Variants in JMJD1C observed in about 807,000 individuals in gnomAD.
The protein encoded by JMJD1C is jumonji domain containing 1C.
Under a neutral mutation model 245.3 loss-of-function variants are expected in JMJD1C, and 31 were observed. The observed-to-expected ratio is 0.13, with a 90% confidence interval of 0.09 to 0.17. The LOEUF (loss-of-function observed/expected upper bound fraction) is 0.17, where lower values mean the gene tolerates loss of function less well. Ranked by LOEUF, JMJD1C falls within the 10% of genes least tolerant of loss-of-function variation. JMJD1C has a pLI of 1.00. For synonymous variants in JMJD1C, 1,057 were observed against 1,017.4 expected, an observed-to-expected ratio of 1.04 and a Z score of -0.74; for missense variants, 2,691 against 3,000.2, an observed-to-expected ratio of 0.90 and a Z score of 2.41.
rs182502525 is a variant in JMJD1C at position 63,347,638 on chromosome 10, C to T, written c.333+32680G>A. On this transcript the variant is annotated intron_variant, in intron 2 of 25. Coordinates refer to ENST00000399262, the MANE Select transcript of JMJD1C (RefSeq NM_032776.3). ...AGAAAAAAAGAAATTACAGGGCAGG[C>T]GTAGTGGCTCATGCCTGTAATCCCA... Among the ~76,000 whole-genome samples the T allele has an allele frequency of 1.5e-4, 22 of 145,652 alleles. No homozygotes were observed. The East Asian group carries it at 4.6e-3, about 31-fold the overall frequency.
At chr10:63,219,432 G>A (rs759014480) in intron 4 of JMJD1C, among the ~76,000 whole-genome samples, 1 of 152,098 alleles carries the variant, frequency 6.6e-6, no homozygotes, top group African/African-American at 2.4e-5. Flanking sequence ...AAGGTCACAC[G>A]TTGTAACATA....
intron 2 of JMJD1C, among the ~76,000 whole-genome samples, chr10:63,298,189 TCGC>T (rs1394292356): frequency 6.6e-6 from 1 of 152,160 alleles, no homozygotes; most frequent in Non-Finnish European, 1.5e-5. Flanking sequence ...TGCTCCTGGC[TCGC>T]CCTTGATAGG....
chr10:63,269,556 T>C (rs1320165732), intron 2 of JMJD1C, among the ~76,000 whole-genome samples: 1 of 152,238 alleles, frequency 6.6e-6, no homozygotes, highest in East Asian at 1.9e-4. Flanking sequence ...GCATCAAATA[T>C]ACTTTGTATG....
At chr10:63,186,486 T>G in intron 18 of JMJD1C, 103 bp from the exon 19 acceptor site, 1 of 864,438 alleles carries the variant, frequency 1.2e-6, no homozygotes, top group East Asian at 2.8e-5. Flanking sequence ...TTACCCAGGC[T>G]GGAGAGCAGT....
chr10:63,269,577 C>T (rs192778318), intron 2 of JMJD1C, among the ~76,000 whole-genome samples: 1 of 151,806 alleles, frequency 6.6e-6, no homozygotes, highest in Non-Finnish European at 1.5e-5. Flanking sequence ...TTTTTGGGCA[C>T]GATTTATTTA....
At chr10:63,360,879 G>C (rs546043269) in intron 2 of JMJD1C, among the ~76,000 whole-genome samples, 1 of 151,954 alleles carries the variant, frequency 6.6e-6, no homozygotes, top group East Asian at 1.9e-4. Flanking sequence ...CTGCCTCCTG[G>C]GATCAAGCGA....
At chr10:63,420,202 C>A (rs952826724) in intron 1 of JMJD1C, among the ~76,000 whole-genome samples, 4 of 151,262 alleles carry the variant, frequency 2.6e-5, no homozygotes, top group African/African-American at 9.7e-5. Context: ...AAGGGCCCAG[C>A]ACACAATCAC....
chr10:63,375,801 C>T (rs1281998246), intron 2 of JMJD1C, among the ~76,000 whole-genome samples: 1 of 151,964 alleles, frequency 6.6e-6, no homozygotes, highest in African/African-American at 2.4e-5. Context: ...GCAATCCTCT[C>T]GCCTTAGCCT....
chr10:63,200,760 A>T, intron 10 of JMJD1C, 83 bp from the exon 11 acceptor site: 6 of 1,212,298 alleles, frequency 4.9e-6, no homozygotes, highest in Non-Finnish European at 7.2e-6. Flanking sequence ...AGTCAGTTAT[A>T]CAATTGTGAT....
chr10:63,453,638 C>A (rs1267012354), intron 1 of JMJD1C, among the ~76,000 whole-genome samples: 1 of 152,096 alleles, frequency 6.6e-6, no homozygotes, highest in African/African-American at 2.4e-5. Context: ...TGATCCTTTG[C>A]GTCTGTCAAG....
intron 24 of JMJD1C, among the ~76,000 whole-genome samples, chr10:63,169,567 GA>G (rs1842161282): frequency 1.3e-5 from 2 of 152,110 alleles, no homozygotes; most frequent in South Asian, 4.1e-4. Flanking sequence ...ATGATAGGGT[GA>G]TGGAATTCCA....
intron 19 of JMJD1C, among the ~76,000 whole-genome samples, chr10:63,185,966 CA>C (rs1262242263): frequency 1.3e-5 from 2 of 152,166 alleles, no homozygotes; most frequent in East Asian, 3.8e-4. Flanking sequence ...ATTCCATTTT[CA>C]AAAGCTTATG....
intron 3 of JMJD1C, among the ~76,000 whole-genome samples, chr10:63,226,741 A>G (rs1270394375): frequency 2.1e-5 from 3 of 139,966 alleles, no homozygotes; most frequent in African/African-American, 5.3e-5. Context: ...AAAAAGAGAG[A>G]GAGAAGGACA....
At chr10:63,415,933 TGCTGAACTCCCACAACTACACA>T (rs1245162742) in intron 1 of JMJD1C, among the ~76,000 whole-genome samples, 2 of 152,162 alleles carry the variant, frequency 1.3e-5, no homozygotes, top group East Asian at 1.9e-4. Context: ...ACAGTGTTTT[TGCTGAACTCCCACAACTACACA>T]GCTGAACCCC....
intron 1 of JMJD1C, among the ~76,000 whole-genome samples, chr10:63,478,923 T>C (rs1482275948): frequency 6.6e-6 from 1 of 152,134 alleles, no homozygotes; most frequent in Non-Finnish European, 1.5e-5. Flanking sequence ...CTATGGATCC[T>C]GCCACTGCAC....
intron 3 of JMJD1C, among the ~76,000 whole-genome samples, chr10:63,221,822 A>G (rs866307489): frequency 2.0e-5 from 3 of 152,202 alleles, no homozygotes; most frequent in African/African-American, 7.2e-5. Context: ...CCCAGGTTCA[A>G]GCAATTCTCC....
chr10:63,223,146 C>G lies in JMJD1C; in HGVS notation c.448-3163G>C, dbSNP rs979338894. On this transcript the variant is annotated intron_variant, in intron 3 of 25. Coordinates refer to ENST00000399262, the MANE Select transcript of JMJD1C (RefSeq NM_032776.3). ...GAAATTATCTGCAAAAAAAAAAAAC[C>G]CAAACAAACAAAAACTTCCATACAT... The G allele has an allele frequency of 9.0e-6, 5 of 554,622 alleles. No individual in the cohort carries two copies. In the African/African-American group the frequency reaches 1.0e-4, roughly 11 times the overall value. The allele number at this position is 554,622 out of a possible 1,614,324, so 34.4% of individuals were successfully genotyped here. A position where few individuals can be genotyped will look rare whatever the true frequency, so the allele number is the denominator to read the frequency against.
At chr10:63,204,016 G>A (rs1266286566) in intron 10 of JMJD1C, 1 of 977,790 alleles carries the variant, frequency 1.0e-6, no homozygotes, top group Non-Finnish European at 1.2e-6. Context: ...TCAGGAGACT[G>A]AGGCAGGAGG....
chr10:63,381,611 G>C (rs1005753590), intron 1 of JMJD1C, among the ~76,000 whole-genome samples: 2 of 152,114 alleles, frequency 1.3e-5, no homozygotes, highest in African/African-American at 4.8e-5. Context: ...TGGGTGAAGG[G>C]GGGAGAAGAA....
Sources: allele counts gnomAD v4.1 joint callset (sites outside exome capture counted in the v4.1 genomes callset), GRCh38; gene constraint gnomAD v4.1.1; transcripts MANE v1.5; gene names NCBI Gene and HGNC (gene_info 2026-07-23, HGNC 2026-07-21).